VPS18: variants seen among roughly 807,000 people sequenced by gnomAD.
VPS18 encodes the protein VPS18 core subunit of CORVET and HOPS complexes.
VPS18 carries 25 observed loss-of-function variants against 82.0 expected under a neutral mutation model. The ratio of observed to expected loss-of-function variants is 0.30; its 90% CI spans 0.22 to 0.43. The LOEUF (loss-of-function observed/expected upper bound fraction) is 0.43, where lower values mean the gene tolerates loss of function less well. VPS18 is among the 20% of genes least tolerant of loss of function. VPS18 has a pLI of 1.00. For synonymous variants in VPS18, 523 were observed against 543.0 expected, an observed-to-expected ratio of 0.96 and a Z score of 0.51; for missense variants, 1,168 against 1,311.1, an observed-to-expected ratio of 0.89 and a Z score of 1.69.
At position 40,899,388 on chromosome 15, in the gene VPS18, C is replaced by T. The variant is rs1361470191; in HGVS notation, c.570C>T (p.Phe190=). The T allele has an allele frequency of 3.1e-6, 5 of 1,608,404 alleles. No homozygotes were observed. The South Asian group carries it at 4.4e-5, about 14-fold the overall frequency. Residue 190 remains phenylalanine (F), a synonymous_variant, in exon 4 of 5, where the codon TTC becomes TTT. Transcript: ENST00000220509. This position sits in a 1 kb window ranked among gnomAD's most constrained non-coding sequence, Gnocchi z 4.4. The stretch of plus-strand genomic sequence containing the variant: ...TCGGCCCTGCTCCGGATCTCTACTT[C>T]CGCCCATTGTACGTGCTAAATGAAG... ...GLFGPAPDLY[F]RPLYVLNEEG...
Position 40,902,898 on chromosome 15 carries a change from A to C in VPS18, c.2479A>C (p.Thr827Pro), listed in dbSNP as rs747639014. 6.2e-7 allele frequency: 1 copy of C among 1,614,252 alleles called. No individual in the cohort carries two copies. The highest frequency in any genetic ancestry group is 8.5e-7 in the Non-Finnish European group (1 of 1,180,050). ...GCTGCAGCGGGAGATGGAAGAGGCT[A>C]CAGCCAGTGCCCAGCGCATCCGGCG... The part of the protein sequence containing the change: ...QELQREMEEA[T>P]ASAQRIRRDL... Residue 827 changes from threonine to proline, a missense_variant, in exon 5 of 5, where the codon ACA (threonine) becomes CCA (proline). Transcript: ENST00000220509. The surrounding 1 kb of genome is among the most constrained non-coding windows in gnomAD (Gnocchi z 4.2).
chr15:40,894,998 C>A, intron 1 of VPS18, 139 bp downstream of exon 1: 1 of 827,464 alleles, frequency 1.2e-6, no homozygotes, highest in Non-Finnish European at 1.8e-6. Context: ...TCTCCTCAGG[C>A]TCTCTTGGCC....
intron 2 of VPS18, among the ~76,000 whole-genome samples, chr15:40,898,469 ATTTC>A (rs1331707690): frequency 1.3e-5 from 2 of 149,096 alleles, no homozygotes; most frequent in African/African-American, 5.0e-5. Context: ...GTATTCAGCA[ATTTC>A]TTTTTTTTTT....
Position 40,900,507 on chromosome 15 carries a change from G to A in VPS18, c.1689G>A (p.Met563Ile). Residue 563 changes from methionine (M) to isoleucine (I), a missense_variant, in exon 4 of 5, where the codon ATG becomes ATA. By Grantham distance (10) the Met-to-Ile change is conservative. Transcript: ENST00000220509. The surrounding 1 kb of genome is among the most constrained non-coding windows in gnomAD (Gnocchi z 5.4). ...ACATGGTGTACTTTGCAGTGATCAT[G>A]CAGGACTATGAGCGGGTGGTGGCTT... is the stretch of plus-strand genomic sequence containing the variant. ...TEHMVYFAVI[M>I]QDYERVVAYH... is the part of the protein sequence containing the mutation. 1 of 1,614,134 alleles carries A rather than the reference G, an allele frequency of 6.2e-7. No homozygotes were observed. Among genetic ancestry groups the A allele is most frequent in the East Asian group, 2.2e-5 (1 of 44,882 alleles).
At chr15:40,896,683 C>T (rs1171513341) in intron 2 of VPS18, among the ~76,000 whole-genome samples, 2 of 150,844 alleles carry the variant, frequency 1.3e-5, no homozygotes, top group Admixed American at 6.6e-5. Flanking sequence ...TGGTGGCAGG[C>T]GCCTGTAATC....
At position 40,903,753 on chromosome 15, in the gene VPS18, C is replaced by T. The variant is rs1038528552; in HGVS notation, c.*412C>T. 6.2e-6 allele frequency: 1 copy of T among 160,404 alleles called. No individual in the cohort carries two copies. The allele number at this position is 160,404 out of a possible 1,614,324, so 9.9% of individuals were successfully genotyped here. ...GCCTCTGGAATCCCAGCTCTTCTCT[C>T]TCAGAAGAAGCCTTCTCTTCCTCCT... is the stretch of plus-strand genomic sequence containing the variant. On this transcript the variant is annotated 3_prime_UTR_variant, in exon 5 of 5. Coordinates refer to ENST00000220509, the MANE Select transcript of VPS18 (RefSeq NM_020857.3).
chr15:40,899,699 A>G lies in VPS18; in HGVS notation c.881A>G (p.Tyr294Cys). ...FAWMMGDGVLYGALDCGRPDS... is the reference protein window; with the variant it reads ...FAWMMGDGVLCGALDCGRPDS... Reference sequence around the variant, plus strand: ...TGGATGATGGGGGATGGTGTGTTGTATGGGGCATTGGACTGTGGGCGCCCT... The same window carrying G: ...TGGATGATGGGGGATGGTGTGTTGTGTGGGGCATTGGACTGTGGGCGCCCT... Residue 294 changes from tyrosine (Y) to cysteine (C), a missense_variant, in exon 4 of 5, where the codon TAT becomes TGT. Physicochemically the swap from Tyr to Cys is radical, Grantham distance 194 (BLOSUM62 -2). Coordinates refer to ENST00000220509, the MANE Select transcript of VPS18 (RefSeq NM_020857.3). The surrounding 1 kb of genome is among the most constrained non-coding windows in gnomAD (Gnocchi z 4.4). The G allele has an allele frequency of 6.2e-7, 1 of 1,613,960 alleles. No homozygotes were observed. The highest frequency in any genetic ancestry group is 8.5e-7 in the Non-Finnish European group (1 of 1,180,034).
At chr15:40,896,130 G>A in intron 2 of VPS18, 51 bp downstream of exon 2, 1 of 1,606,820 alleles carries the variant, frequency 6.2e-7, no homozygotes, top group East Asian at 2.2e-5. Context: ...AGGTGTTTGG[G>A]GACTGTTAAC....
chr15:40,896,564 A>T (rs1892234117), intron 2 of VPS18, among the ~76,000 whole-genome samples: 1 of 151,788 alleles, frequency 6.6e-6, no homozygotes, highest in Non-Finnish European at 1.5e-5. Context: ...TTATCCCAGC[A>T]CTTTGGGAGG....
intron 4 of VPS18, among the ~76,000 whole-genome samples, chr15:40,901,480 A>T (rs1205932539): frequency 6.6e-6 from 1 of 151,916 alleles, no homozygotes; most frequent in African/African-American, 2.4e-5. Flanking sequence ...CCAGCTACTC[A>T]GGAGGCTGAG....
chr15:40,896,794 A>G (rs1007681823), intron 2 of VPS18, among the ~76,000 whole-genome samples: 6 of 150,014 alleles, frequency 4.0e-5, no homozygotes, highest in African/African-American at 1.5e-4. Flanking sequence ...CCAGGCGACA[A>G]CAGTGAGACT....
In VPS18 at chr15:40,894,745, C is replaced by G. The variant is rs930678417; in HGVS notation, c.-24C>G. On this transcript the variant is annotated 5_prime_UTR_variant, in exon 1 of 5. Transcript: ENST00000220509. The stretch of plus-strand genomic sequence containing the variant: ...CCTTTTGTAATCCCCAGGCCCCGGA[C>G]AAAGAGCCCAGAGGCCGGGCACCAT... 2 of 1,538,878 alleles carry G rather than the reference C, an allele frequency of 1.3e-6. No homozygotes were observed. The highest frequency in any genetic ancestry group is 2.8e-5 in the African/African-American group (2 of 72,438).
In VPS18 at chr15:40,900,435, C is replaced by A; in HGVS notation, c.1617C>A (p.Ser539Arg). 1.2e-6 allele frequency: 2 copies of A among 1,614,030 alleles called. No homozygotes were observed. The highest frequency in any genetic ancestry group is 1.7e-6 in the Non-Finnish European group (2 of 1,179,998). ...SPRHKEWLFASRASIHELLAS... is the reference protein window; with the variant it reads ...SPRHKEWLFARRASIHELLAS... ...GCCACAAAGAGTGGCTCTTTGCCAGCCGGGCCTCTATCCATGAGCTGCTCG... is the reference window on the plus strand; with the variant it reads ...GCCACAAAGAGTGGCTCTTTGCCAGACGGGCCTCTATCCATGAGCTGCTCG... Residue 539 changes from serine (S) to arginine (R), a missense_variant, in exon 4 of 5, where the codon AGC becomes AGA. By Grantham distance (110) the Ser-to-Arg change is moderately radical. This residue lies in a region of VPS18 where 868 missense variants were observed against 939.8 expected (regional missense o/e 0.92). Transcript: ENST00000220509. This position sits in a 1 kb window ranked among gnomAD's most constrained non-coding sequence, Gnocchi z 5.4.
In VPS18 at chr15:40,899,509, T is replaced by C; in HGVS notation, c.691T>C (p.Phe231Leu). The change falls in exon 4 of 5, where the codon TTC becomes CTC. Residue 231 changes from phenylalanine to leucine, a missense_variant. Transcript: ENST00000220509. This position sits in a 1 kb window ranked among gnomAD's most constrained non-coding sequence, Gnocchi z 4.4. ...IATTRQRLFQ[F>L]IGRAAEGAEA... ...CACCACTCGGCAGCGCCTCTTCCAG[T>C]TCATAGGCCGAGCAGCAGAGGGGGC... 6.2e-7 allele frequency: 1 copy of C among 1,611,350 alleles called. No individual in the cohort carries two copies.
chr15:40,898,825 T>C (rs543834129), intron 2 of VPS18, 82 bp from the exon 3 acceptor site: 13 of 1,398,684 alleles, frequency 9.3e-6, no homozygotes, highest in African/African-American at 1.4e-5. Context: ...AGTCTATGGC[T>C]TTTATCAGAT....
intron 2 of VPS18, chr15:40,898,608 C>T (rs1034848511): frequency 2.4e-6 from 1 of 415,624 alleles, no homozygotes; most frequent in Non-Finnish European, 4.5e-6. Context: ...ATAGCTGGGA[C>T]CACAGGTGTG....
chr15:40,895,247 C>T (rs1409739078), intron 1 of VPS18, among the ~76,000 whole-genome samples: 1 of 152,036 alleles, frequency 6.6e-6, no homozygotes, highest in South Asian at 2.1e-4. Context: ...GTGGTGAAGG[C>T]GGAGTATTGC....
chr15:40,898,941 G>A lies in VPS18; in HGVS notation c.268G>A (p.Val90Met), dbSNP rs201577141. The change falls in exon 3 of 5, where the codon GTG (valine) becomes ATG (methionine). Residue 90 changes from valine (V) to methionine (M), a missense_variant. Transcript: ENST00000220509. ...GGGCAAGGCAAATGAGCCCAACCAC[G>A]TGGAGCTGGGACGTAAGGATGACGC... Reference protein sequence around the residue: ...DLGKANEPNHVELGRKDDAKV... With the variant: ...DLGKANEPNHMELGRKDDAKV... The A allele has an allele frequency of 3.7e-6, 6 of 1,614,002 alleles. No individual in the cohort carries two copies. The highest frequency in any genetic ancestry group is 1.6e-4 in the Middle Eastern group (1 of 6,084).
intron 2 of VPS18, 132 bp from the exon 3 acceptor site, chr15:40,898,775 A>G: frequency 3.0e-6 from 3 of 996,692 alleles, no homozygotes; most frequent in Non-Finnish European, 4.6e-6. Context: ...CCTGGCCTGT[A>G]TTCAGCATTT....
Sources: gnomAD v4.1 joint callset for allele counts (sites outside exome capture counted in the v4.1 genomes callset) on GRCh38, gnomAD v4.1.1 for gene constraint, gnomAD v4.1.1 regional missense constraint, Gnocchi (gnomAD v3.1) non-coding constraint, MANE v1.5 for transcripts, NCBI Gene and HGNC (gene_info 2026-07-23, HGNC 2026-07-21) for gene names.